Variants in SHROOM3 observed in about 807,000 individuals in gnomAD.
SHROOM3 encodes the protein protein Shroom3.
SHROOM3 carries 47 observed loss-of-function variants against 138.6 expected under a neutral mutation model. The ratio of observed to expected loss-of-function variants is 0.34; its 90% CI spans 0.27 to 0.43. SHROOM3 has a LOEUF of 0.43. Ranked by LOEUF, SHROOM3 falls within the 20% of genes least tolerant of loss-of-function variation. The pLI, the probability that SHROOM3 is intolerant of heterozygous loss-of-function variation, is 1.00. For synonymous variants in SHROOM3, 1,062 were observed against 1,063.3 expected, an observed-to-expected ratio of 1.00 and a Z score of 0.02; for missense variants, 2,491 against 2,596.5, an observed-to-expected ratio of 0.96 and a Z score of 0.88.
intron 6 of SHROOM3, among the ~76,000 whole-genome samples, chr4:76,751,700 C>G (rs965802888): frequency 7.2e-5 from 11 of 152,126 alleles, no homozygotes; most frequent in African/African-American, 1.9e-4. Flanking sequence ...ACATGGCCAA[C>G]AAGCATTGAA....
At chr4:76,710,830 T>C (rs375512691) in intron 3 of SHROOM3, among the ~76,000 whole-genome samples, 19 of 152,288 alleles carry the variant, frequency 1.2e-4, no homozygotes, top group African/African-American at 4.1e-4. Flanking sequence ...GTGTCCTGGC[T>C]TTGCACGGGC....
intron 2 of SHROOM3, among the ~76,000 whole-genome samples, chr4:76,695,792 T>C (rs1264329190): frequency 6.6e-6 from 1 of 152,188 alleles, no homozygotes; most frequent in East Asian, 1.9e-4. Flanking sequence ...AGCCTCTCCA[T>C]TGCAGTGTGG....
chr4:76,724,439 T>C (rs1480742723), intron 3 of SHROOM3, among the ~76,000 whole-genome samples: 26 of 149,858 alleles, frequency 1.7e-4, no homozygotes, highest in African/African-American at 3.2e-4. Flanking sequence ...GCTGTTTAAT[T>C]TTTTTTTTTT....
In SHROOM3 at chr4:76,754,426, G is replaced by C; in HGVS notation, c.3943G>C (p.Glu1315Gln). ...CATTGGTGATTCCTCCGTTCCTAGT[G>C]AATGTCCTGGAACCCTGGACCATCA... Reference protein sequence around the residue: ...KAIGDSSVPSECPGTLDHQRQ... With the variant: ...KAIGDSSVPSQCPGTLDHQRQ... Residue 1315 changes from glutamate (E) to glutamine (Q), a missense_variant, in exon 7 of 11, where the codon GAA becomes CAA. Coordinates refer to ENST00000296043, the MANE Select transcript of SHROOM3 (RefSeq NM_020859.4). 1.2e-6 allele frequency: 2 copies of C among 1,614,120 alleles called. No homozygotes were observed. Among genetic ancestry groups the C allele is most frequent in the Non-Finnish European group, 1.7e-6 (2 of 1,179,998 alleles).
chr4:76,713,914 T>C (rs1373090045), intron 3 of SHROOM3, among the ~76,000 whole-genome samples: 1 of 152,144 alleles, frequency 6.6e-6, no homozygotes. Flanking sequence ...CCCCAAGAAG[T>C]CTCTCTGCAA....
intron 2 of SHROOM3, chr4:76,639,600 T>C (rs1735603773): frequency 2.5e-6 from 1 of 398,518 alleles, no homozygotes; most frequent in Admixed American, 4.4e-5. Context: ...GCTCTGATGC[T>C]TCCCAGACTT....
chr4:76,482,805 T>C (rs1282302793), intron 1 of SHROOM3, among the ~76,000 whole-genome samples: 1 of 152,068 alleles, frequency 6.6e-6, no homozygotes, highest in Non-Finnish European at 1.5e-5. Context: ...AACAGATACA[T>C]AGACCAATGG....
At chr4:76,595,988 G>T (rs986928500) in intron 2 of SHROOM3, among the ~76,000 whole-genome samples, 1 of 152,158 alleles carries the variant, frequency 6.6e-6, no homozygotes, top group Non-Finnish European at 1.5e-5. Flanking sequence ...GTTGTTTTCT[G>T]TGTACTTTAC....
chr4:76,600,096 G>GA (rs1414576760), intron 2 of SHROOM3, among the ~76,000 whole-genome samples: 6 of 152,182 alleles, frequency 3.9e-5, no homozygotes, highest in Non-Finnish European at 7.4e-5. Context: ...AGGCTGCAGT[G>GA]AGCCATGATT....
chr4:76,593,030 C>A (rs1359056967), intron 2 of SHROOM3, among the ~76,000 whole-genome samples: 1 of 152,150 alleles, frequency 6.6e-6, no homozygotes, highest in Non-Finnish European at 1.5e-5. Context: ...TAACTTATGT[C>A]GAGTGATGAC....
intron 3 of SHROOM3, among the ~76,000 whole-genome samples, chr4:76,727,543 G>A (rs1720746778): frequency 6.6e-6 from 1 of 152,198 alleles, no homozygotes; most frequent in African/African-American, 2.4e-5. Context: ...ATACTGAACT[G>A]CTAAGATGCT....
intron 1 of SHROOM3, among the ~76,000 whole-genome samples, chr4:76,501,950 C>T (rs1412696206): frequency 6.6e-6 from 1 of 152,160 alleles, no homozygotes. Context: ...TGTTTATCCC[C>T]TCCAAGCTCA....
intron 1 of SHROOM3, among the ~76,000 whole-genome samples, chr4:76,483,258 A>C (rs116402097): frequency 2.0e-5 from 3 of 152,188 alleles, no homozygotes; most frequent in Admixed American, 6.5e-5. Flanking sequence ...TTATCTGACA[A>C]AGGGTTAATA....
At chr4:76,614,121 T>C (rs573230892) in intron 2 of SHROOM3, among the ~76,000 whole-genome samples, 1 of 152,134 alleles carries the variant, frequency 6.6e-6, no homozygotes, top group Non-Finnish European at 1.5e-5. Flanking sequence ...AGTGGCGAGA[T>C]CTCGGCTCAC....
At chr4:76,695,014 C>G (rs541512750) in intron 2 of SHROOM3, among the ~76,000 whole-genome samples, 1 of 152,192 alleles carries the variant, frequency 6.6e-6, no homozygotes, top group East Asian at 1.9e-4. Context: ...CTATCTTTCC[C>G]TTTTAGATAT....
At chr4:76,594,676 C>G (rs1305170414) in intron 2 of SHROOM3, among the ~76,000 whole-genome samples, 2 of 152,158 alleles carry the variant, frequency 1.3e-5, no homozygotes, top group Non-Finnish European at 2.9e-5. Context: ...ACCCTGATGT[C>G]AGACTAACAC....
At chr4:76,541,010 A>C (rs897140154) in intron 1 of SHROOM3, among the ~76,000 whole-genome samples, 1 of 152,180 alleles carries the variant, frequency 6.6e-6, no homozygotes, top group Non-Finnish European at 1.5e-5. Flanking sequence ...CATGAAATAC[A>C]TATACAATTT....
chr4:76,530,611 TA>T (rs1732809852), intron 1 of SHROOM3, among the ~76,000 whole-genome samples: 1 of 152,210 alleles, frequency 6.6e-6, no homozygotes, highest in Non-Finnish European at 1.5e-5. Context: ...TCTAAGGTTC[TA>T]GGTGAAGAAG....
At chr4:76,714,024 T>C (rs1379877846) in intron 3 of SHROOM3, among the ~76,000 whole-genome samples, 1 of 152,232 alleles carries the variant, frequency 6.6e-6, no homozygotes, top group Non-Finnish European at 1.5e-5. Flanking sequence ...TTTTACTTTT[T>C]TGTTTTGAAA....
Sources: gnomAD v4.1 joint callset for allele counts (sites outside exome capture counted in the v4.1 genomes callset) on GRCh38, gnomAD v4.1.1 for gene constraint, MANE v1.5 for transcripts, NCBI Gene and HGNC (gene_info 2026-07-23, HGNC 2026-07-21) for gene names.